The following KDM4B variants were observed in gnomAD, a reference collection of about 807,000 sequenced individuals.
The protein encoded by KDM4B is lysine-specific demethylase 4B.
Under a neutral mutation model 125.2 loss-of-function variants are expected in KDM4B, and 32 were observed. That is an observed-to-expected ratio of 0.26 (90% confidence interval 0.19 to 0.34). The LOEUF is 0.34. Among genes scored for constraint, KDM4B ranks in the 10% least tolerant of loss-of-function variants. The probability of loss-of-function intolerance (pLI) is 1.00; values close to 1 mark genes in which losing one functional copy is unlikely to be tolerated. For synonymous variants in KDM4B, 721 were observed against 677.9 expected (o/e 1.06, Z -0.99); for missense variants, 1,190 against 1,577.7 (o/e 0.75, Z 4.16).
intron 21 of KDM4B, 65 bp from the exon 22 acceptor site, chr19:5,150,293 T>G: frequency 7.1e-7 from 1 of 1,410,358 alleles, no homozygotes; most frequent in Non-Finnish European, 9.8e-7. Context: ...CTTGAGGCCG[T>G]GGCCTGCCTG....
chr19:5,066,680 C>T (rs1017461633), intron 6 of KDM4B, among the ~76,000 whole-genome samples: 4 of 152,254 alleles, frequency 2.6e-5, no homozygotes, highest in Admixed American at 6.5e-5. Context: ...GTATGGCTCT[C>T]ACGGAGCTTG....
intron 1 of KDM4B, among the ~76,000 whole-genome samples, chr19:4,996,380 T>C (rs2035201311): frequency 6.6e-6 from 1 of 152,048 alleles, no homozygotes; most frequent in Admixed American, 6.6e-5. Flanking sequence ...GCCTGTTTTA[T>C]TTTTATGTTT....
rs1215277325 is a variant in KDM4B at position 5,130,111 on chromosome 19, GTCTC to G, written c.1316-959_1316-956del. Among the ~76,000 whole-genome samples the G allele has an allele frequency of 2.6e-5, 4 of 152,128 alleles. No individual in the cohort carries two copies. In the East Asian group the frequency reaches 7.7e-4, roughly 29 times the overall value. ...CACAGGCACAGCGCAGCCTCTTCCA[GTCTC>G]TCTCTGACTCTCACCCTCCCGCCTC... On this transcript the variant is annotated intron_variant, in intron 11 of 22. Transcript: ENST00000159111.
chr19:5,033,362 T>G (rs1480396527), intron 3 of KDM4B, among the ~76,000 whole-genome samples: 1 of 152,068 alleles, frequency 6.6e-6, no homozygotes, highest in Non-Finnish European at 1.5e-5. Flanking sequence ...GACGTCTCAC[T>G]GAGGGACGCC....
At position 5,035,905 on chromosome 19, in the gene KDM4B, A is replaced by G. The variant is rs540252040; in HGVS notation, c.141+2874A>G. On this transcript the variant is annotated intron_variant, in intron 3 of 22. Coordinates refer to ENST00000159111, the MANE Select transcript of KDM4B (RefSeq NM_015015.3). This position sits in a 1 kb window ranked among gnomAD's most constrained non-coding sequence, Gnocchi z 5.3. Reference sequence around the variant, plus strand: ...TGCGCGCGCGCGCGCGCCTGCGCGCACAGGAGACTGAGGTGGGGAGGCAGC... The same window carrying G: ...TGCGCGCGCGCGCGCGCCTGCGCGCGCAGGAGACTGAGGTGGGGAGGCAGC... 7.4e-6 allele frequency among the ~76,000 whole-genome samples: 1 copy of G among 135,874 alleles called. No individual in the cohort carries two copies. The highest frequency in any genetic ancestry group is 7.1e-5 in the Admixed American group (1 of 13,994). 89.1% of individuals were successfully genotyped at this position (135,874 alleles called of 152,430 possible).
intron 1 of KDM4B, among the ~76,000 whole-genome samples, chr19:5,014,522 G>T (rs181654559): frequency 2.0e-5 from 3 of 152,082 alleles, no homozygotes; most frequent in Admixed American, 6.6e-5. Flanking sequence ...TGATCCACCC[G>T]CCTCGGCCTC....
At position 5,039,919 on chromosome 19, in the gene KDM4B, G is replaced by A; in HGVS notation, c.225G>A (p.Val75=). The A allele has an allele frequency of 6.2e-7, 1 of 1,613,034 alleles. No individual in the cohort carries two copies. Among genetic ancestry groups the A allele is most frequent in the Non-Finnish European group, 8.5e-7 (1 of 1,179,926 alleles). ...TGATCCCGGCGCCCATCCAGCAGGT[G>A]GTGACGGGCCAGTCGGGCCTCTTCA... is the stretch of plus-strand genomic sequence containing the variant. ...DVVIPAPIQQ[V]VTGQSGLFTQ... is the part of the protein sequence containing the mutation. The change falls in exon 4 of 23, where the codon GTG becomes GTA. Residue 75 remains valine, a synonymous_variant. Transcript: ENST00000159111.
intron 1 of KDM4B, among the ~76,000 whole-genome samples, chr19:4,994,810 T>C (rs1304404898): frequency 2.0e-5 from 3 of 152,230 alleles, no homozygotes; most frequent in African/African-American, 7.2e-5. Flanking sequence ...GAATATTTTC[T>C]AGTGTAATAT....
chr19:5,151,394 C>T lies in KDM4B; in HGVS notation c.3174C>T (p.Ala1058=). ...TCTCGGGGGAGGAGGCCAAGGCCGC[C>T]AAGCGCCCGCGTGTGGGCACCCCGC... The part of the protein sequence containing the change: ...PAFSGEEAKA[A]KRPRVGTPLA... The change falls in exon 23 of 23, where the codon GCC becomes GCT. Residue 1058 remains alanine, a synonymous_variant. Transcript: ENST00000159111. The T allele has an allele frequency of 6.3e-7, 1 of 1,585,542 alleles. No individual in the cohort carries two copies. The highest frequency in any genetic ancestry group is 8.6e-7 in the Non-Finnish European group (1 of 1,168,146).
chr19:5,082,654 A>G lies in KDM4B; in HGVS notation c.918+150A>G. ...ACCAGGGTCTGATTCTGGGCTCCTC[A>G]GAGAGCTTTTGCCCAGAACGCTCCT... is the stretch of plus-strand genomic sequence containing the variant. On this transcript the variant is annotated intron_variant, in intron 9 of 22. Coordinates refer to ENST00000159111, the MANE Select transcript of KDM4B (RefSeq NM_015015.3). The surrounding 1 kb of genome is among the most constrained non-coding windows in gnomAD (Gnocchi z 5.4). The G allele has an allele frequency of 1.1e-6, 1 of 895,844 alleles. No homozygotes were observed. The highest frequency in any genetic ancestry group is 1.6e-6 in the Non-Finnish European group (1 of 616,796). The allele number at this position is 895,844 out of a possible 1,614,324, so 55.5% of individuals were successfully genotyped here.
Position 5,036,217 on chromosome 19 carries a change from ATG to A in KDM4B, c.141+3188_141+3189del, listed in dbSNP as rs1480690771. Among the ~76,000 whole-genome samples the A allele has an allele frequency of 3.3e-5, 5 of 152,190 alleles. No homozygotes were observed. The South Asian group carries it at 6.2e-4, about 19-fold the overall frequency. On this transcript the variant is annotated intron_variant, in intron 3 of 22. Coordinates refer to ENST00000159111, the MANE Select transcript of KDM4B (RefSeq NM_015015.3). ...CCTTGACCACTGTGTGTGTGCGTGC[ATG>A]TATGTGTGTGGTGGGGGAGCTGGGG...
chr19:5,054,126 C>G (rs1197631041), intron 6 of KDM4B, among the ~76,000 whole-genome samples: 3 of 152,218 alleles, frequency 2.0e-5, no homozygotes, highest in Non-Finnish European at 4.4e-5. Flanking sequence ...GCTCTGTCAT[C>G]CAGGCTGGAG....
intron 6 of KDM4B, among the ~76,000 whole-genome samples, chr19:5,061,990 G>T (rs1038904062): frequency 6.6e-6 from 1 of 152,216 alleles, no homozygotes; most frequent in African/African-American, 2.4e-5. Flanking sequence ...TGGCATCTGG[G>T]GGAGCAGGGC....
chr19:4,971,300 C>T lies in KDM4B; in HGVS notation c.-109+2070C>T, dbSNP rs147183693. On this transcript the variant is annotated intron_variant, in intron 1 of 22. Transcript: ENST00000159111. This position sits in a 1 kb window ranked among gnomAD's most constrained non-coding sequence, Gnocchi z 4.1. ...GAAGAGACCCTTCCTCAGCCTCCTG[C>T]CCTGTCTTCAGTCCCTGTCCCGTCC... Among the ~76,000 whole-genome samples the T allele has an allele frequency of 1.7e-3, 264 of 152,300 alleles. 1 individual carries two copies. The highest frequency in any genetic ancestry group is 5.8e-3 in the African/African-American group (242 of 41,574).
At position 5,119,724 on chromosome 19, in the gene KDM4B, C is replaced by G. The variant is rs2039325272; in HGVS notation, c.1187C>G (p.Ala396Gly). The G allele has an allele frequency of 6.4e-7, 1 of 1,551,342 alleles. No homozygotes were observed. Among genetic ancestry groups the G allele is most frequent in the African/African-American group, 1.4e-5 (1 of 73,092 alleles). The part of the protein sequence containing the change: ...EDPKFPGEGT[A>G]GAALLEEAGG... ...CCCAAGTTCCCTGGGGAGGGTACGG[C>G]TGGGGCAGCGCTCCTAGAGGAGGCT... The change falls in exon 11 of 23, where the codon GCT becomes GGT. Residue 396 changes from alanine (A) to glycine (G), a missense_variant. Coordinates refer to ENST00000159111, the MANE Select transcript of KDM4B (RefSeq NM_015015.3).
chr19:4,970,069 G>A (rs1333424765), intron 1 of KDM4B, among the ~76,000 whole-genome samples: 13 of 152,076 alleles, frequency 8.5e-5, no homozygotes, highest in Admixed American at 8.5e-4. Context: ...TGGGAGCTGG[G>A]GACGGACTCG....
At chr19:5,147,045 C>T (rs1342814003) in intron 21 of KDM4B, among the ~76,000 whole-genome samples, 5 of 151,848 alleles carry the variant, frequency 3.3e-5, no homozygotes, top group African/African-American at 7.3e-5. Context: ...CAACACCCTC[C>T]GCCTGCCCCG....
At chr19:5,056,760 C>T (rs2145750998) in intron 6 of KDM4B, among the ~76,000 whole-genome samples, 1 of 152,204 alleles carries the variant, frequency 6.6e-6, no homozygotes, top group Non-Finnish European at 1.5e-5. Flanking sequence ...CTTCGAGACC[C>T]TCACGGCAGC....
intron 1 of KDM4B, among the ~76,000 whole-genome samples, chr19:4,980,388 A>G (rs955207474): frequency 6.8e-6 from 1 of 147,608 alleles, no homozygotes; most frequent in Admixed American, 6.8e-5. Flanking sequence ...GTATCCACGC[A>G]TGGCATGTGT....
Sources: gnomAD v4.1 joint callset for allele counts (sites outside exome capture counted in the v4.1 genomes callset) on GRCh38, gnomAD v4.1.1 for gene constraint, Gnocchi (gnomAD v3.1) non-coding constraint, MANE v1.5 for transcripts, NCBI Gene and HGNC (gene_info 2026-07-23, HGNC 2026-07-21) for gene names.